Variants in RBFOX1 observed in about 807,000 individuals in gnomAD.
The protein encoded by RBFOX1 is RNA binding fox-1 homolog 1.
Under a neutral mutation model 57.7 loss-of-function variants are expected in RBFOX1, and 8 were observed. The ratio of observed to expected loss-of-function variants is 0.14; its 90% confidence interval spans 0.08 to 0.25. RBFOX1 has a LOEUF of 0.25. RBFOX1 is among the 10% of genes least tolerant of loss of function. RBFOX1 has a pLI of 1.00. For missense variants in RBFOX1, 611 were observed against 548.5 expected (o/e 1.11, Z -1.14); for synonymous variants, 326 against 222.4 (o/e 1.47, Z -4.15).
intron 4 of RBFOX1, among the ~76,000 whole-genome samples, chr16:7,348,717 A>C (rs937228478): frequency 3.9e-5 from 6 of 152,154 alleles, no homozygotes; most frequent in African/African-American, 1.4e-4. Flanking sequence ...TGAGGATGGC[A>C]GATCACCTGA....
intron 11 of RBFOX1, among the ~76,000 whole-genome samples, chr16:7,649,123 G>T (rs991019096): frequency 1.3e-5 from 2 of 152,000 alleles, no homozygotes; most frequent in African/African-American, 4.8e-5. Context: ...AGTAAAATGG[G>T]GAAAGTACAG....
chr16:5,384,372 A>G (rs903834117), intron 1 of RBFOX1, among the ~76,000 whole-genome samples: 1 of 152,214 alleles, frequency 6.6e-6, no homozygotes, highest in African/African-American at 2.4e-5. Flanking sequence ...GTCAGTCAAT[A>G]GAGGTTCTCC....
intron 2 of RBFOX1, among the ~76,000 whole-genome samples, chr16:6,529,488 G>T (rs1275011310): frequency 6.6e-6 from 1 of 152,008 alleles, no homozygotes; most frequent in South Asian, 2.1e-4. Context: ...GAACCTAGCA[G>T]GCAGAGGTTG....
chr16:5,409,686 G>C (rs987343339), intron 1 of RBFOX1, among the ~76,000 whole-genome samples: 4 of 152,156 alleles, frequency 2.6e-5, no homozygotes, highest in Non-Finnish European at 5.9e-5. Context: ...AGAGGAGAGA[G>C]AGAGAGAAAT....
chr16:7,465,216 C>G lies in RBFOX1; in HGVS notation c.28-52931C>G, dbSNP rs562292937. 1.4e-4 allele frequency among the ~76,000 whole-genome samples: 22 copies of G among 152,302 alleles called. No individual in the cohort carries two copies. The East Asian group carries it at 4.1e-3, about 28-fold the overall frequency. ...CCTAGCTCAATCTTGTCAGCAAACT[C>G]TCAGCTCACATGTCACTTCCTTAGA... is the stretch of plus-strand genomic sequence containing the variant. On this transcript the variant is annotated intron_variant, in intron 4 of 15. Transcript: ENST00000550418.
intron 3 of RBFOX1, among the ~76,000 whole-genome samples, chr16:5,828,270 AT>A (rs1417783700): frequency 2.6e-5 from 4 of 152,196 alleles, no homozygotes; most frequent in Non-Finnish European, 4.4e-5. Context: ...GGAGAGCATG[AT>A]TTAACTCATA....
intron 1 of RBFOX1, among the ~76,000 whole-genome samples, chr16:5,243,232 C>G (rs1467633359): frequency 6.6e-6 from 1 of 152,112 alleles, no homozygotes; most frequent in African/African-American, 2.4e-5. Flanking sequence ...TGAGCCTTCC[C>G]CAAGACCAGG....
intron 3 of RBFOX1, among the ~76,000 whole-genome samples, chr16:6,808,457 C>G (rs112366632): frequency 6.6e-5 from 10 of 152,180 alleles, no homozygotes; most frequent in African/African-American, 2.4e-4. Context: ...AAGGATCTCA[C>G]CCCTTGCTTC....
In RBFOX1 at chr16:6,924,463, C is replaced by G. The variant is rs111764864; in HGVS notation, c.-15-127594C>G. On this transcript the variant is annotated intron_variant, in intron 3 of 15. Coordinates refer to ENST00000550418, the MANE Select transcript of RBFOX1 (RefSeq NM_018723.4). ...TCATCACTAAGGGGATGGCAGGCAC[C>G]AAGCCATTCTTGAGGAAGCCACCCC... Among the ~76,000 whole-genome samples the G allele has an allele frequency of 2.0e-3, 311 of 152,042 alleles. 1 individual carries two copies. The highest frequency in any genetic ancestry group is 7.1e-3 in the African/African-American group (296 of 41,480).
intron 3 of RBFOX1, among the ~76,000 whole-genome samples, chr16:6,853,687 C>T (rs1372589565): frequency 6.6e-6 from 1 of 152,116 alleles, no homozygotes; most frequent in African/African-American, 2.4e-5. Flanking sequence ...GAACCTGTAG[C>T]AATTTATCAC....
At chr16:5,740,287 A>G (rs959175574) in intron 3 of RBFOX1, among the ~76,000 whole-genome samples, 12 of 152,166 alleles carry the variant, frequency 7.9e-5, no homozygotes, top group Non-Finnish European at 4.4e-5. Context: ...GCATCCAGTC[A>G]CCAAACACTG....
At chr16:6,764,423 G>A (rs553985301) in intron 3 of RBFOX1, among the ~76,000 whole-genome samples, 7 of 152,280 alleles carry the variant, frequency 4.6e-5, no homozygotes, top group African/African-American at 1.7e-4. Flanking sequence ...GTTACCAGCA[G>A]GTAATGCAGG....
At chr16:6,467,326 C>T (rs1288255229) in intron 2 of RBFOX1, among the ~76,000 whole-genome samples, 1 of 151,802 alleles carries the variant, frequency 6.6e-6, no homozygotes, top group African/African-American at 2.4e-5. Flanking sequence ...GGTTAACATA[C>T]ATACAGTGTT....
At chr16:5,870,318 C>G (rs143434155) in intron 4 of RBFOX1, among the ~76,000 whole-genome samples, 392 of 143,440 alleles carry the variant, frequency 2.7e-3, no homozygotes, top group African/African-American at 9.8e-3. Flanking sequence ...ATATATAAAA[C>G]TGATAGAGCT....
chr16:7,628,184 T>A (rs1487937578), intron 10 of RBFOX1, among the ~76,000 whole-genome samples: 2 of 152,174 alleles, frequency 1.3e-5, no homozygotes, highest in Non-Finnish European at 2.9e-5. Flanking sequence ...CTTTTGAAAT[T>A]TAGCACCCCA....
intron 3 of RBFOX1, among the ~76,000 whole-genome samples, chr16:5,793,983 C>A (rs182465385): frequency 6.6e-6 from 1 of 152,268 alleles, no homozygotes; most frequent in Admixed American, 6.5e-5. Context: ...CATGAAACTG[C>A]AAGGTGTTGG....
intron 1 of RBFOX1, among the ~76,000 whole-genome samples, chr16:6,175,534 A>C (rs11648077): frequency 6.6e-6 from 1 of 151,976 alleles, no homozygotes; most frequent in Admixed American, 6.6e-5. Context: ...ATGGGCTTAG[A>C]GGTGGTTGTA....
chr16:6,874,443 G>A (rs2061472856), intron 3 of RBFOX1, among the ~76,000 whole-genome samples: 1 of 147,352 alleles, frequency 6.8e-6, no homozygotes, highest in Non-Finnish European at 1.5e-5. Context: ...CCAGGAGATG[G>A]AGGTTGCAGT....
intron 3 of RBFOX1, among the ~76,000 whole-genome samples, chr16:5,803,774 A>G (rs1445149388): frequency 2.0e-5 from 3 of 152,100 alleles, no homozygotes; most frequent in Admixed American, 2.0e-4. Context: ...CTATTATCTC[A>G]TGCTCTACTA....
Sources: allele counts gnomAD v4.1 joint callset (sites outside exome capture counted in the v4.1 genomes callset), GRCh38; gene constraint gnomAD v4.1.1; transcripts MANE v1.5; gene names NCBI Gene and HGNC (gene_info 2026-07-23, HGNC 2026-07-21).